The following TMOD1 variants were observed in gnomAD, a reference collection of about 807,000 sequenced individuals.
The protein encoded by TMOD1 is tropomodulin-1.
Under a neutral mutation model 40.6 loss-of-function variants are expected in TMOD1, and 17 were observed. The observed-to-expected ratio is 0.42, with a 90% CI of 0.29 to 0.63. The LOEUF is 0.63. TMOD1 is among the 20% of genes least tolerant of loss of function. TMOD1 has a pLI of 0.22. For missense variants in TMOD1, 391 were observed against 447.6 expected, an observed-to-expected ratio of 0.87 and a Z score of 1.14; for synonymous variants, 181 against 175.0, an observed-to-expected ratio of 1.03 and a Z score of -0.27.
Position 97,600,195 on chromosome 9 carries a change from T to G in TMOD1, c.*497T>G. On this transcript the variant is annotated 3_prime_UTR_variant, in exon 10 of 10. Coordinates refer to ENST00000259365, the MANE Select transcript of TMOD1 (RefSeq NM_003275.4). ...GGAATTTTGAAAACCTCGATTAAAG[T>G]TGCCAAATTGATTACTGGATCCAGA... is the stretch of plus-strand genomic sequence containing the variant. 2.0e-6 allele frequency: 2 copies of G among 995,646 alleles called. No homozygotes were observed. The highest frequency in any genetic ancestry group is 1.7e-5 in the African/African-American group (1 of 57,588). The allele number at this position is 995,646 out of a possible 1,614,324, so 61.7% of individuals were successfully genotyped here. A position where few individuals can be genotyped will look rare whatever the true frequency, so the allele number is the denominator to read the frequency against.
At chr9:97,529,079 G>C (rs942891404) in intron 2 of TMOD1, among the ~76,000 whole-genome samples, 2 of 152,212 alleles carry the variant, frequency 1.3e-5, no homozygotes, top group African/African-American at 4.8e-5. Flanking sequence ...TGGGTCTGGA[G>C]TCCACGACGT....
intron 2 of TMOD1, among the ~76,000 whole-genome samples, chr9:97,535,197 T>A (rs1176911839): frequency 6.6e-6 from 1 of 152,102 alleles, no homozygotes; most frequent in Non-Finnish European, 1.5e-5. Context: ...GGTACACATG[T>A]CAGTGGAGTC....
intron 6 of TMOD1, among the ~76,000 whole-genome samples, chr9:97,565,216 G>A (rs572996531): frequency 1.3e-5 from 2 of 152,318 alleles, no homozygotes; most frequent in East Asian, 3.9e-4. Flanking sequence ...TGCACTGTGA[G>A]CCTGTTGGAC....
rs1415149355 is a variant in TMOD1 at position 97,577,283 on chromosome 9, T to C, written c.870+8246T>C. On this transcript the variant is annotated intron_variant, in intron 8 of 9. Coordinates refer to ENST00000259365, the MANE Select transcript of TMOD1 (RefSeq NM_003275.4). ...TCTAATGGTCAGAGGCATTCCTCCA[T>C]GCTGAGCCAAACACCATCTGCGTGT... Among the ~76,000 whole-genome samples the C allele has an allele frequency of 6.0e-5, 9 of 150,428 alleles. No homozygotes were observed. The East Asian group carries it at 1.7e-3, about 29-fold the overall frequency.
chr9:97,547,296 T>C (rs1401899465), intron 3 of TMOD1, among the ~76,000 whole-genome samples: 1 of 151,932 alleles, frequency 6.6e-6, no homozygotes, highest in Non-Finnish European at 1.5e-5. Context: ...CCTTTGCACA[T>C]ACTCCCTATG....
chr9:97,559,792 A>ATAT (rs1465118191), intron 4 of TMOD1, among the ~76,000 whole-genome samples: 26 of 35,058 alleles, frequency 7.4e-4, no homozygotes, highest in African/African-American at 1.5e-3. Flanking sequence ...AAAAAAAAAA[A>ATAT]AAATATATAT....
chr9:97,535,644 C>T (rs1385305202), intron 2 of TMOD1, among the ~76,000 whole-genome samples: 1 of 152,236 alleles, frequency 6.6e-6, no homozygotes, highest in Non-Finnish European at 1.5e-5. Flanking sequence ...ATTTTCCCTG[C>T]ACATGAGGCA....
intron 8 of TMOD1, among the ~76,000 whole-genome samples, chr9:97,585,388 G>A (rs1292269857): frequency 2.6e-5 from 4 of 151,798 alleles, no homozygotes; most frequent in African/African-American, 9.7e-5. Context: ...TTAGTCTGAT[G>A]GGCTTCCCTT....
intron 4 of TMOD1, among the ~76,000 whole-genome samples, chr9:97,560,709 A>T (rs1398661981): frequency 6.7e-6 from 1 of 149,784 alleles, no homozygotes; most frequent in Non-Finnish European, 1.5e-5. Flanking sequence ...TTGTATATAT[A>T]AAAAATACAA....
chr9:97,587,608 C>T (rs1283755191), intron 8 of TMOD1, among the ~76,000 whole-genome samples: 1 of 151,866 alleles, frequency 6.6e-6, no homozygotes, highest in East Asian at 1.9e-4. Flanking sequence ...TTGACACGTA[C>T]TTCACACACC....
At chr9:97,538,310 A>G (rs1180347731) in intron 2 of TMOD1, among the ~76,000 whole-genome samples, 1 of 152,246 alleles carries the variant, frequency 6.6e-6, no homozygotes, top group Non-Finnish European at 1.5e-5. Flanking sequence ...ATTGTTAAAT[A>G]AGGACATAAA....
chr9:97,595,412 C>A (rs1587967212), intron 9 of TMOD1, among the ~76,000 whole-genome samples: 1 of 152,124 alleles, frequency 6.6e-6, no homozygotes, highest in Non-Finnish European at 1.5e-5. Flanking sequence ...GTTTTACTCC[C>A]TGCTTCTATG....
Position 97,513,005 on chromosome 9 carries a change from G to C in TMOD1, c.-48-11136G>C, listed in dbSNP as rs1338596898. ...CCACAAAAGAGTGTGGCCCAGAGTT[G>C]AGCTCCAGCATAAAACCAAGCAAGA... On this transcript the variant is annotated intron_variant, in intron 1 of 9. Transcript: ENST00000259365. This position sits in a 1 kb window ranked among gnomAD's most constrained non-coding sequence, Gnocchi z 4.1. 6.6e-6 allele frequency: 1 copy of C among 151,918 alleles called. No individual in the cohort carries two copies. Among genetic ancestry groups the C allele is most frequent in the Admixed American group, 6.5e-5 (1 of 15,268 alleles). The allele number at this position is 151,918 out of a possible 1,614,324, so 9.4% of individuals were successfully genotyped here. A position where few individuals can be genotyped will look rare whatever the true frequency, so the allele number is the denominator to read the frequency against.
intron 1 of TMOD1, among the ~76,000 whole-genome samples, chr9:97,523,177 G>A (rs1829944486): frequency 6.6e-6 from 1 of 152,222 alleles, no homozygotes; most frequent in Admixed American, 6.5e-5. Flanking sequence ...GAGTTAACAG[G>A]TCTGAAAATG....
chr9:97,559,829 ATCTATCTATCTATC>A (rs1563990778), intron 4 of TMOD1, among the ~76,000 whole-genome samples: 3,451 of 60,888 alleles, frequency 0.057, 227 homozygotes, highest in Non-Finnish European at 0.068. Context: ...ATATATGTCT[ATCTATCTATCTATC>A]TATCTATCTC....
Position 97,600,010 on chromosome 9 carries a change from A to G in TMOD1, c.*312A>G. On this transcript the variant is annotated 3_prime_UTR_variant, in exon 10 of 10. Coordinates refer to ENST00000259365, the MANE Select transcript of TMOD1 (RefSeq NM_003275.4). Reference sequence around the variant, plus strand: ...GACTTAGCCCCAGGAGCCCAGTTTCAATGGCCTTGCTGTGTGGTGTTTCAA... The same window carrying G: ...GACTTAGCCCCAGGAGCCCAGTTTCGATGGCCTTGCTGTGTGGTGTTTCAA... The G allele has an allele frequency of 8.6e-7, 1 of 1,165,450 alleles. No individual in the cohort carries two copies. Among genetic ancestry groups the G allele is most frequent in the Non-Finnish European group, 1.1e-6 (1 of 935,996 alleles). The allele number at this position is 1,165,450 out of a possible 1,614,324, so 72.2% of individuals were successfully genotyped here.
rs1003077365 is a variant in TMOD1, at chr9:97,574,373, G to A, written c.870+5336G>A. Among the ~76,000 whole-genome samples the A allele has an allele frequency of 2.6e-5, 4 of 152,222 alleles. 1 individual carries two copies. Among genetic ancestry groups the A allele is most frequent in the African/African-American group, 9.6e-5 (4 of 41,468 alleles). On this transcript the variant is annotated intron_variant, in intron 8 of 9. Transcript: ENST00000259365. ...GGGCTTAGCACCTGGGCCAGCAGCTGCTGTGCTCGACTTCTCGCCGGGCCT... is the reference window on the plus strand; with the variant it reads ...GGGCTTAGCACCTGGGCCAGCAGCTACTGTGCTCGACTTCTCGCCGGGCCT...
intron 2 of TMOD1, among the ~76,000 whole-genome samples, chr9:97,536,918 GT>G (rs1315633647): frequency 2.0e-5 from 3 of 152,130 alleles, no homozygotes; most frequent in Admixed American, 6.5e-5. Flanking sequence ...AAAATTCCTT[GT>G]TTTTTTGTCA....
In TMOD1 at chr9:97,564,043, A is replaced by G; in HGVS notation, c.493A>G (p.Ile165Val). 1 of 1,614,104 alleles carries G rather than the reference A, an allele frequency of 6.2e-7. No homozygotes were observed. The highest frequency in any genetic ancestry group is 8.5e-7 in the Non-Finnish European group (1 of 1,180,008). ...CCTTTCATCGGTCACTCTAGGCGTGATTAAACCCACACAATACAAGCCTGT... is the reference window on the plus strand; with the variant it reads ...CCTTTCATCGGTCACTCTAGGCGTGGTTAAACCCACACAATACAAGCCTGT... ...IMNKEGLNSV[I>V]KPTQYKPVPD... The change falls in exon 6 of 10, where the codon ATT (isoleucine) becomes GTT (valine). Residue 165 changes from isoleucine to valine, a missense_variant. Transcript: ENST00000259365.
Sources: gnomAD v4.1 joint callset for allele counts (sites outside exome capture counted in the v4.1 genomes callset) on GRCh38, gnomAD v4.1.1 for gene constraint, Gnocchi (gnomAD v3.1) non-coding constraint, MANE v1.5 for transcripts, NCBI Gene and HGNC (gene_info 2026-07-23, HGNC 2026-07-21) for gene names.